IRS2: variants seen among roughly 807,000 people sequenced by gnomAD.
IRS2 encodes insulin receptor substrate 2.
IRS2 carries 28 observed loss-of-function variants against 70.9 expected under a neutral mutation model. That is an observed-to-expected ratio of 0.39 (90% CI 0.29 to 0.54). The LOEUF (loss-of-function observed/expected upper bound fraction) is 0.54. IRS2 is among the 20% of genes least tolerant of loss of function. The pLI, the probability that IRS2 is intolerant of heterozygous loss-of-function variation, is 0.59. For missense variants in IRS2, 2,081 were observed against 2,024.1 expected (o/e 1.03, Z -0.54); for synonymous variants, 1,217 against 981.9 (o/e 1.24, Z -4.48).
intron 1 of IRS2, among the ~76,000 whole-genome samples, chr13:109,767,142 C>T (rs1877353318): frequency 6.6e-6 from 1 of 152,144 alleles, no homozygotes; most frequent in African/African-American, 2.4e-5. Context: ...CTGGAGGGTC[C>T]AGCAGGGTGC....
At chr13:109,768,896 T>C (rs974946648) in intron 1 of IRS2, among the ~76,000 whole-genome samples, 2 of 152,094 alleles carry the variant, frequency 1.3e-5, no homozygotes, top group African/African-American at 4.8e-5. Context: ...GATTTTCCAT[T>C]AAAAAACAGG....
chr13:109,762,884 G>A lies in IRS2; in HGVS notation c.4013-6576C>T, dbSNP rs947884203. Among the ~76,000 whole-genome samples, 8 of 152,210 alleles carry A rather than the reference G, an allele frequency of 5.3e-5. 1 individual carries two copies. Among genetic ancestry groups the A allele is most frequent in the Admixed American group, 4.6e-4 (7 of 15,286 alleles). On this transcript the variant is annotated intron_variant, in intron 1 of 1. Coordinates refer to ENST00000375856, the MANE Select transcript of IRS2 (RefSeq NM_003749.3). ...AAACAGAACGAAGCTTTAGGACTGC[G>A]TGAGACCCAGAAGAAAAGAAAACCC...
chr13:109,772,764 C>G (rs973206436), intron 1 of IRS2, among the ~76,000 whole-genome samples: 1 of 149,892 alleles, frequency 6.7e-6, no homozygotes, highest in Non-Finnish European at 1.5e-5. Flanking sequence ...GGCGCGATCT[C>G]GGCTCACTGC....
chr13:109,758,884 A>C (rs1877165523), intron 1 of IRS2, among the ~76,000 whole-genome samples: 1 of 150,012 alleles, frequency 6.7e-6, no homozygotes. Flanking sequence ...CGGAAGAGGA[A>C]GAGGAAGGGG....
Position 109,783,764 on chromosome 13 carries a change from C to A in IRS2, c.2290G>T (p.Gly764Trp), listed in dbSNP as rs757014259. ...EHADGKLLPN[G>W]DYLNVSPSDA... ...CTGGGGGACACGTTGAGGTAGTCCC[C>A]GTTGGGCAGCAGCTTGCCATCTGCA... Residue 764 changes from glycine (G) to tryptophan (W), a missense_variant, in exon 1 of 2, where the codon GGG (glycine) becomes TGG (tryptophan). Transcript: ENST00000375856. 22 of 1,594,824 alleles carry A rather than the reference C, an allele frequency of 1.4e-5. No homozygotes were observed. Among genetic ancestry groups the A allele is most frequent in the Middle Eastern group, 1.7e-4 (1 of 6,056 alleles).
chr13:109,782,894 G>T lies in IRS2; in HGVS notation c.3160C>A (p.Gln1054Lys). ...LPPASAVATA[Q>K]GPGAASSLSS... ...AACGATGAGGCGGCGCCCGGGCCCT[G>T]GGCGGTGGCAACGGCCGAGGCGGGG... is the stretch of plus-strand genomic sequence containing the variant. Residue 1054 changes from glutamine to lysine, a missense_variant, in exon 1 of 2, where the codon CAG (glutamine) becomes AAG (lysine). Around this residue, in one of 4 missense-constraint regions of IRS2, gnomAD observed 1,615 missense variants for 1,459.5 expected, o/e 1.11. Transcript: ENST00000375856. 1 of 1,556,860 alleles carries T rather than the reference G, an allele frequency of 6.4e-7. No homozygotes were observed. Among genetic ancestry groups the T allele is most frequent in the Middle Eastern group, 1.7e-4 (1 of 5,950 alleles).
intron 1 of IRS2, 131 bp from the exon 2 acceptor site, chr13:109,756,439 A>AT: frequency 1.3e-6 from 1 of 762,082 alleles, no homozygotes; most frequent in Non-Finnish European, 2.4e-6. Flanking sequence ...CCTTTGAGAA[A>AT]GAAACATGTA....
Position 109,754,903 on chromosome 13 carries a change from C to G in IRS2, c.*1401G>C, listed in dbSNP as rs1201826315. ...TCTCCAATGAATTAGTGTAACCTCT[C>G]CATGACTATCAGAGAAGATAGGCAC... On this transcript the variant is annotated 3_prime_UTR_variant, in exon 2 of 2. Coordinates refer to ENST00000375856, the MANE Select transcript of IRS2 (RefSeq NM_003749.3). The G allele has an allele frequency of 4.7e-6, 1 of 214,986 alleles. No homozygotes were observed. Among genetic ancestry groups the G allele is most frequent in the Non-Finnish European group, 9.4e-6 (1 of 106,776 alleles). 13.3% of individuals were successfully genotyped at this position (214,986 alleles called of 1,614,324 possible).
Position 109,765,364 on chromosome 13 carries a change from G to A in IRS2, c.4013-9056C>T, listed in dbSNP as rs191320727. On this transcript the variant is annotated intron_variant, in intron 1 of 1. Transcript: ENST00000375856. ...TGATCACCAGTCCTTGCCCAAGGATGTGGAGACAGAGGAAATCCACATCTT... is the reference window on the plus strand; with the variant it reads ...TGATCACCAGTCCTTGCCCAAGGATATGGAGACAGAGGAAATCCACATCTT... Among the ~76,000 whole-genome samples, 135 of 152,276 alleles carry A rather than the reference G, an allele frequency of 8.9e-4. 1 individual carries two copies. The highest frequency in any genetic ancestry group is 7.4e-5 in the Non-Finnish European group (5 of 68,022).
chr13:109,760,661 A>C (rs1231678904), intron 1 of IRS2, among the ~76,000 whole-genome samples: 1 of 152,200 alleles, frequency 6.6e-6, no homozygotes, highest in Non-Finnish European at 1.5e-5. Context: ...GATGGGCAAT[A>C]ATTCCTCCCC....
chr13:109,762,560 A>T (rs1156310354), intron 1 of IRS2, among the ~76,000 whole-genome samples: 2 of 152,162 alleles, frequency 1.3e-5, no homozygotes, highest in Non-Finnish European at 2.9e-5. Flanking sequence ...TTCCACAGTG[A>T]ACCACTAGCT....
In IRS2 at chr13:109,783,541, C is replaced by G. The variant is rs1304639251; in HGVS notation, c.2513G>C (p.Arg838Pro). 1 of 1,549,370 alleles carries G rather than the reference C, an allele frequency of 6.5e-7. No individual in the cohort carries two copies. The highest frequency in any genetic ancestry group is 1.4e-5 in the African/African-American group (1 of 73,070). The change falls in exon 1 of 2, where the codon CGT (arginine) becomes CCT (proline). Residue 838 changes from arginine to proline, a missense_variant. Arg to Pro is a moderately radical substitution (Grantham distance 103). This residue lies in a region of IRS2 where 1,615 missense variants were observed against 1,459.5 expected (regional missense o/e 1.11). Transcript: ENST00000375856. ...CCCTGGCGTGGCCTGAGGCTCCAGACGCTCCTCCTCCAGGATGCGCCCCAC... is the reference window on the plus strand; with the variant it reads ...CCCTGGCGTGGCCTGAGGCTCCAGAGGCTCCTCCTCCAGGATGCGCCCCAC... ...SPVGRILEEE[R>P]LEPQATPGPS...
At chr13:109,764,600 T>C (rs9301409) in intron 1 of IRS2, among the ~76,000 whole-genome samples, 5,188 of 152,304 alleles carry the variant, frequency 0.034, 256 homozygotes, top group African/African-American at 0.11. Context: ...TGTAACCACA[T>C]GCTGTGTTCT....
chr13:109,765,630 C>G (rs1424610121), intron 1 of IRS2, among the ~76,000 whole-genome samples: 1 of 86,316 alleles, frequency 1.2e-5, no homozygotes, highest in Non-Finnish European at 2.4e-5. Context: ...CAGCCTCATC[C>G]ACCCTGACTC....
Position 109,776,464 on chromosome 13 carries a change from C to T in IRS2, c.4012+5578G>A, listed in dbSNP as rs144019988. Among the ~76,000 whole-genome samples the T allele has an allele frequency of 4.6e-5, 7 of 152,318 alleles. No individual in the cohort carries two copies. In the East Asian group the frequency reaches 1.3e-3, roughly 29 times the overall value. ...AAATTAATCAGAACCACCAAATTGA[C>T]TATTTTATCATTTGTAAACATGTAA... On this transcript the variant is annotated intron_variant, in intron 1 of 1. Coordinates refer to ENST00000375856, the MANE Select transcript of IRS2 (RefSeq NM_003749.3).
intron 1 of IRS2, among the ~76,000 whole-genome samples, chr13:109,780,560 C>G (rs1015861820): frequency 6.6e-6 from 1 of 152,120 alleles, no homozygotes; most frequent in African/African-American, 2.4e-5. Context: ...GAGTTCACCC[C>G]ACAGCTATAA....
chr13:109,753,316 G>C lies in IRS2; in HGVS notation c.*2988C>G, dbSNP rs76417604. On this transcript the variant is annotated 3_prime_UTR_variant, in exon 2 of 2. Coordinates refer to ENST00000375856, the MANE Select transcript of IRS2 (RefSeq NM_003749.3). The stretch of plus-strand genomic sequence containing the variant: ...ACATCTTCTGTGTGCATGTCATGGA[G>C]GGAGCATTCTTGATGTACACGTTGG... The C allele has an allele frequency of 6.6e-6, 1 of 152,418 alleles. No homozygotes were observed. Among genetic ancestry groups the C allele is most frequent in the Non-Finnish European group, 1.5e-5 (1 of 68,046 alleles). 9.4% of individuals were successfully genotyped at this position (152,418 alleles called of 1,614,324 possible). A position where few individuals can be genotyped will look rare whatever the true frequency, so the allele number is the denominator to read the frequency against.
chr13:109,780,802 C>A (rs1048822575), intron 1 of IRS2, among the ~76,000 whole-genome samples: 6 of 151,328 alleles, frequency 4.0e-5, no homozygotes, highest in Admixed American at 3.9e-4. Flanking sequence ...GCTAGGAACC[C>A]TACAAAGAAA....
rs1347807558 is a variant in IRS2, at chr13:109,785,731, T to C, written c.323A>G (p.Lys108Arg). The change falls in exon 1 of 2, where the codon AAG (lysine) becomes AGG (arginine). Residue 108 changes from lysine (K) to arginine (R), a missense_variant. Physicochemically the swap from Lys to Arg is conservative, Grantham distance 26. This residue lies in a region of IRS2 where 320 missense variants were observed against 352.9 expected (regional missense o/e 0.91). Transcript: ENST00000375856. This position sits in a 1 kb window ranked among gnomAD's most constrained non-coding sequence, Gnocchi z 9.3. ...CLNINKRADA[K>R]HKYLIALYTK... ...GTAGAGGGCGATCAGGTACTTGTGC[T>C]TGGCGTCGGCGCGCTTGTTGATGTT... is the stretch of plus-strand genomic sequence containing the variant. The C allele has an allele frequency of 1.3e-6, 2 of 1,599,030 alleles. No individual in the cohort carries two copies. The highest frequency in any genetic ancestry group is 1.1e-5 in the South Asian group (1 of 90,576).
Sources: gnomAD v4.1 joint callset for allele counts (sites outside exome capture counted in the v4.1 genomes callset) on GRCh38, gnomAD v4.1.1 for gene constraint, gnomAD v4.1.1 regional missense constraint, Gnocchi (gnomAD v3.1) non-coding constraint, MANE v1.5 for transcripts, NCBI Gene and HGNC (gene_info 2026-07-23, HGNC 2026-07-21) for gene names.